The following PDE4B variants were observed in gnomAD, a reference collection of about 807,000 sequenced individuals.
The protein encoded by PDE4B is 3',5'-cyclic-AMP phosphodiesterase 4B.
PDE4B carries 20 observed loss-of-function variants against 82.2 expected under a neutral mutation model. The ratio of observed to expected loss-of-function variants is 0.24; its 90% CI spans 0.17 to 0.35. The LOEUF (loss-of-function observed/expected upper bound fraction) is 0.35, where lower values mean the gene tolerates loss of function less well. PDE4B is among the 10% of genes least tolerant of loss of function. PDE4B has a pLI of 1.00. For synonymous variants in PDE4B, 320 were observed against 318.9 expected, an observed-to-expected ratio of 1.00 and a Z score of -0.04; for missense variants, 655 against 907.2, an observed-to-expected ratio of 0.72 and a Z score of 3.57.
chr1:65,917,999 A>G (rs924167995), intron 2 of PDE4B, among the ~76,000 whole-genome samples: 2 of 152,154 alleles, frequency 1.3e-5, no homozygotes, highest in East Asian at 1.9e-4. Flanking sequence ...CCCCGTCCCT[A>G]CTAAAAATAC....
intron 8 of PDE4B, among the ~76,000 whole-genome samples, chr1:66,338,950 C>T (rs911463890): frequency 1.5e-4 from 22 of 143,548 alleles, no homozygotes; most frequent in Non-Finnish European, 2.4e-4. Context: ...ACCCGGGAGG[C>T]GGAGCTTGCA....
intron 7 of PDE4B, among the ~76,000 whole-genome samples, chr1:66,279,381 G>A (rs1232258266): frequency 2.0e-5 from 3 of 152,026 alleles, no homozygotes; most frequent in Non-Finnish European, 4.4e-5. Flanking sequence ...TAAACCGTTT[G>A]GAAATAAGAA....
At chr1:66,056,619 A>T (rs1459937348) in intron 3 of PDE4B, among the ~76,000 whole-genome samples, 1 of 152,106 alleles carries the variant, frequency 6.6e-6, no homozygotes, top group Non-Finnish European at 1.5e-5. Context: ...GAGATGGGTT[A>T]TATGATTGTG....
At chr1:66,090,679 A>ATCTG (rs1298351971) in intron 3 of PDE4B, among the ~76,000 whole-genome samples, 4 of 35,202 alleles carry the variant, frequency 1.1e-4, no homozygotes, top group African/African-American at 4.1e-4. Context: ...GTGTATGTGT[A>ATCTG]TATGTATCTG....
At chr1:66,011,372 C>G (rs1197005147) in intron 3 of PDE4B, among the ~76,000 whole-genome samples, 1 of 151,888 alleles carries the variant, frequency 6.6e-6, no homozygotes, top group African/African-American at 2.4e-5. Flanking sequence ...GTCACTAATA[C>G]GTAGTGAATC....
chr1:65,797,574 G>A (rs1468378806), intron 1 of PDE4B, among the ~76,000 whole-genome samples: 2 of 152,148 alleles, frequency 1.3e-5, no homozygotes, highest in African/African-American at 4.8e-5. Flanking sequence ...ACTGAACGCT[G>A]CTGGTGCCAC....
At chr1:66,281,387 G>C (rs1374192685) in intron 7 of PDE4B, among the ~76,000 whole-genome samples, 2 of 152,228 alleles carry the variant, frequency 1.3e-5, no homozygotes, top group East Asian at 1.9e-4. Flanking sequence ...AATTATAGGA[G>C]AGGTTTTTGC....
intron 7 of PDE4B, among the ~76,000 whole-genome samples, chr1:66,303,159 A>G (rs1658021744): frequency 6.6e-6 from 1 of 152,168 alleles, no homozygotes; most frequent in African/African-American, 2.4e-5. Context: ...GACCCTGGAT[A>G]AACATTTCTT....
chr1:66,135,213 T>C (rs1646032392), intron 3 of PDE4B, among the ~76,000 whole-genome samples: 1 of 152,234 alleles, frequency 6.6e-6, no homozygotes, highest in South Asian at 2.1e-4. Flanking sequence ...TAGCTTGAGA[T>C]AAATATAGGC....
intron 4 of PDE4B, among the ~76,000 whole-genome samples, chr1:66,256,071 A>T (rs1227805812): frequency 6.6e-6 from 1 of 152,168 alleles, no homozygotes; most frequent in Non-Finnish European, 1.5e-5. Flanking sequence ...CAGCTACTCC[A>T]GAGTCTGAGG....
Position 66,372,524 on chromosome 1 carries a change from A to G in PDE4B, c.2057A>G (p.Glu686Gly). 7 of 1,614,160 alleles carry G rather than the reference A, an allele frequency of 4.3e-6. No homozygotes were observed. Among genetic ancestry groups the G allele is most frequent in the Non-Finnish European group, 5.9e-6 (7 of 1,180,012 alleles). ...EKFQFELTLD[E>G]EDSEGPEKEG... ...TTTCAGTTTGAACTGACTCTCGATG[A>G]GGAAGATTCTGAAGGACCTGAGAAG... is the stretch of plus-strand genomic sequence containing the variant. The change falls in exon 17 of 17, where the codon GAG becomes GGG. Residue 686 changes from glutamate (E) to glycine (G), a missense_variant. Physicochemically the swap from Glu to Gly is moderately conservative, Grantham distance 98 (BLOSUM62 -2). Transcript: ENST00000341517.
At chr1:66,192,599 G>C (rs1647917719) in intron 3 of PDE4B, among the ~76,000 whole-genome samples, 1 of 152,146 alleles carries the variant, frequency 6.6e-6, no homozygotes, top group South Asian at 2.1e-4. Flanking sequence ...AGTCACCTGT[G>C]AGGTTCTCAA....
rs542659042 is a variant in PDE4B, at chr1:65,954,089, G to T, written c.281+35254G>T. Among the ~76,000 whole-genome samples the T allele has an allele frequency of 1.1e-4, 17 of 152,100 alleles. 1 individual carries two copies. In the South Asian group the frequency reaches 3.5e-3, roughly 32 times the overall value. ...TTTTTGTATTTTTAGTAGATACGGG[G>T]TTTCATCATGTTGGCCAGGCTGGTC... On this transcript the variant is annotated intron_variant, in intron 3 of 16. Coordinates refer to ENST00000341517, the MANE Select transcript of PDE4B (RefSeq NM_002600.4).
intron 3 of PDE4B, among the ~76,000 whole-genome samples, chr1:66,189,818 C>T (rs1647586541): frequency 1.3e-5 from 2 of 152,096 alleles, no homozygotes; most frequent in African/African-American, 2.4e-5. Context: ...TTGTCTGACG[C>T]CTTCTTCTCT....
At chr1:66,338,606 G>A (rs1660702823) in intron 8 of PDE4B, among the ~76,000 whole-genome samples, 1 of 152,144 alleles carries the variant, frequency 6.6e-6, no homozygotes, top group Non-Finnish European at 1.5e-5. Context: ...TTCACTATCT[G>A]TTTCTTAAAA....
chr1:65,995,424 CG>C (rs1476962561), intron 3 of PDE4B, among the ~76,000 whole-genome samples: 1 of 152,082 alleles, frequency 6.6e-6, no homozygotes, highest in African/African-American at 2.4e-5. Flanking sequence ...TTGCCTTTCC[CG>C]GGGAACCCCG....
chr1:66,369,923 G>A (rs1460479127), intron 16 of PDE4B, among the ~76,000 whole-genome samples: 1 of 151,896 alleles, frequency 6.6e-6, no homozygotes, highest in Non-Finnish European at 1.5e-5. Context: ...TGAGGTGGAC[G>A]GATCACCTGA....
chr1:65,910,486 A>G lies in PDE4B; in HGVS notation c.-70-2759A>G, dbSNP rs116008365. ...CCTTCTGACTATTGTAAAGTTTTGG[A>G]AGCAAGTCTGTATTAGTCAGGATCC... On this transcript the variant is annotated intron_variant, in intron 1 of 16. Coordinates refer to ENST00000341517, the MANE Select transcript of PDE4B (RefSeq NM_002600.4). 5.3e-3 allele frequency among the ~76,000 whole-genome samples: 813 copies of G among 152,266 alleles called. 5 individuals carry two copies. Among genetic ancestry groups the G allele is most frequent in the Non-Finnish European group, 8.2e-3 (559 of 68,022 alleles).
intron 3 of PDE4B, among the ~76,000 whole-genome samples, chr1:66,038,535 G>C (rs1654185166): frequency 6.6e-6 from 1 of 151,212 alleles, no homozygotes; most frequent in African/African-American, 2.4e-5. Flanking sequence ...AGTACCTAGG[G>C]AATAGTAGAA....
Sources: allele counts gnomAD v4.1 joint callset (sites outside exome capture counted in the v4.1 genomes callset), GRCh38; gene constraint gnomAD v4.1.1; transcripts MANE v1.5; gene names NCBI Gene and HGNC (gene_info 2026-07-23, HGNC 2026-07-21).